Variants in TXLNB observed in about 807,000 individuals in gnomAD.
TXLNB encodes taxilin beta, also known as beta-taxilin.
A neutral mutation model predicts 57.4 loss-of-function variants in TXLNB; 37 were observed. The observed-to-expected ratio is 0.64, with a 90% CI of 0.50 to 0.85. The LOEUF is 0.85. TXLNB is among the 40% of genes least tolerant of loss of function. The pLI, the probability that TXLNB is intolerant of heterozygous loss-of-function variation, is 0.00. For synonymous variants in TXLNB, 302 were observed against 309.6 expected (o/e 0.98, Z 0.26); for missense variants, 848 against 825.6 (o/e 1.03, Z -0.33).
At chr6:139,194,789 TA>T in the TXLNB span, among the ~76,000 whole-genome samples, 1 of 152,258 alleles carries the variant, frequency 6.6e-6, no homozygotes, top group Non-Finnish European at 1.5e-5. Context: ...AACAAGAATC[TA>T]AGTGATCCAG....
the TXLNB span, chr6:139,174,657 G>A: frequency 5.6e-6 from 8 of 1,422,878 alleles, no homozygotes; most frequent in Non-Finnish European, 7.5e-6. Context: ...TGATGGCTGA[G>A]TTACTACTTG....
At chr6:139,206,139 C>T in the TXLNB span, among the ~76,000 whole-genome samples, 2 of 152,210 alleles carry the variant, frequency 1.3e-5, no homozygotes, top group African/African-American at 4.8e-5. Flanking sequence ...GAGAATTTGC[C>T]ACTACCAAAC....
chr6:139,263,635 G>A (rs1178296852), intron 4 of TXLNB, among the ~76,000 whole-genome samples: 2 of 151,940 alleles, frequency 1.3e-5, no homozygotes, highest in African/African-American at 4.8e-5. Flanking sequence ...CACTAACAAT[G>A]AGCTCCAATT....
chr6:139,221,760 A>C, the TXLNB span, among the ~76,000 whole-genome samples: 1 of 152,342 alleles, frequency 6.6e-6, no homozygotes, highest in South Asian at 2.1e-4. Context: ...GATTGGTATA[A>C]CAGTGGCTTA....
chr6:139,239,877 C>T (rs909439725), downstream of TXLNB, among the ~76,000 whole-genome samples: 2 of 152,064 alleles, frequency 1.3e-5, no homozygotes, highest in African/African-American at 2.4e-5. The surrounding 1 kb of genome is among the most constrained non-coding windows in gnomAD (Gnocchi z 4.7). Flanking sequence ...CACATACACA[C>T]ACACACACCC....
chr6:139,306,675 C>CA, the TXLNB span, among the ~76,000 whole-genome samples: 1 of 152,200 alleles, frequency 6.6e-6, no homozygotes, highest in African/African-American at 2.4e-5. Flanking sequence ...AACCTTTCCT[C>CA]AGCCTGATTT....
the TXLNB span, among the ~76,000 whole-genome samples, chr6:139,320,636 A>T: frequency 7.0e-6 from 1 of 143,848 alleles, no homozygotes; most frequent in Non-Finnish European, 1.5e-5. Context: ...TAAGCATATA[A>T]TCTCATTTTT....
At position 139,260,434 on chromosome 6, in the gene TXLNB, G is replaced by C. The variant is rs1276807191; in HGVS notation, c.886C>G (p.Leu296Val). The C allele has an allele frequency of 1.4e-5, 22 of 1,613,154 alleles. No homozygotes were observed. The highest frequency in any genetic ancestry group is 1.8e-5 in the Non-Finnish European group (21 of 1,179,810). The change falls in exon 6 of 10, where the codon CTG becomes GTG. Residue 296 changes from leucine to valine, a missense_variant. Transcript: ENST00000358430. ...TCTCTGTGTTTAAATATTTTGTCCA[G>C]ATGCTAAGAAAAATAAAGTGTACAT... ...IDQYELREEH[L>V]DKIFKHRELQ...
the TXLNB span, among the ~76,000 whole-genome samples, chr6:139,314,832 G>C: frequency 1.3e-5 from 2 of 152,178 alleles, no homozygotes; most frequent in Admixed American, 6.5e-5. Context: ...ATTCCTGGGC[G>C]TAGGGCGAAC....
At chr6:139,321,222 C>T in the TXLNB span, among the ~76,000 whole-genome samples, 5 of 152,092 alleles carry the variant, frequency 3.3e-5, no homozygotes, top group Admixed American at 3.3e-4. Context: ...TAATTCTAAC[C>T]CCCAAGATGA....
chr6:139,224,596 A>C, the TXLNB span, among the ~76,000 whole-genome samples: 1 of 152,014 alleles, frequency 6.6e-6, no homozygotes, highest in African/African-American at 2.4e-5. Flanking sequence ...AGATTTTTTA[A>C]ATTAAGAGAA....
chr6:139,188,533 G>A, the TXLNB span, among the ~76,000 whole-genome samples: 4 of 151,694 alleles, frequency 2.6e-5, no homozygotes, highest in South Asian at 2.1e-4. Context: ...AAATCTAATC[G>A]AAATTCTGAC....
chr6:139,254,424 T>C (rs2114480680), intron 7 of TXLNB, among the ~76,000 whole-genome samples: 1 of 152,278 alleles, frequency 6.6e-6, no homozygotes, highest in South Asian at 2.1e-4. Context: ...AGGTTTCTGA[T>C]TTCCTTGCCT....
the TXLNB span, among the ~76,000 whole-genome samples, chr6:139,215,161 C>A: frequency 1.3e-5 from 2 of 152,084 alleles, no homozygotes; most frequent in African/African-American, 4.8e-5. Context: ...AAAAAGCCCG[C>A]ATTGCCAAGT....
At chr6:139,283,342 C>T (rs1469929738) in intron 2 of TXLNB, among the ~76,000 whole-genome samples, 2 of 142,774 alleles carry the variant, frequency 1.4e-5, no homozygotes, top group East Asian at 2.0e-4. Flanking sequence ...TTTGGGAGAC[C>T]GACGCAGGCG....
At chr6:139,197,062 G>C in the TXLNB span, among the ~76,000 whole-genome samples, 5 of 152,048 alleles carry the variant, frequency 3.3e-5, no homozygotes, top group African/African-American at 4.8e-5. Flanking sequence ...GGGGTGGGGG[G>C]TTATTATTCC....
chr6:139,270,462 A>G lies in TXLNB; in HGVS notation c.681T>C (p.Thr227=). The change falls in exon 4 of 10, where the codon ACT becomes ACC. Residue 227 remains threonine (T), a synonymous_variant. Coordinates refer to ENST00000358430, the MANE Select transcript of TXLNB (RefSeq NM_153235.4). ...LCRELQRHNK[T]LKEEALQRAR... Reference sequence around the variant, plus strand: ...CTGAGGCATGGGGACATACCTTCAGAGTCTTGTTGTGTCTCTGCAGCTCCC... The same window carrying G: ...CTGAGGCATGGGGACATACCTTCAGGGTCTTGTTGTGTCTCTGCAGCTCCC... 2 of 1,613,200 alleles carry G rather than the reference A, an allele frequency of 1.2e-6. No individual in the cohort carries two copies. The highest frequency in any genetic ancestry group is 1.7e-6 in the Non-Finnish European group (2 of 1,179,740).
chr6:139,253,705 A>G (rs1036896129), intron 7 of TXLNB, among the ~76,000 whole-genome samples: 1 of 152,132 alleles, frequency 6.6e-6, no homozygotes, highest in Non-Finnish European at 1.5e-5. Flanking sequence ...TAATATTTGT[A>G]TTGTACAGGT....
At chr6:139,184,541 T>C in the TXLNB span, among the ~76,000 whole-genome samples, 9 of 152,378 alleles carry the variant, frequency 5.9e-5, no homozygotes, top group Non-Finnish European at 1.0e-4. Flanking sequence ...TGTTCTCTTT[T>C]GTTAAGATAG....
Sources: gnomAD v4.1 joint callset for allele counts (sites outside exome capture counted in the v4.1 genomes callset) on GRCh38, gnomAD v4.1.1 for gene constraint, Gnocchi (gnomAD v3.1) non-coding constraint, MANE v1.5 for transcripts, NCBI Gene and HGNC (gene_info 2026-07-23, HGNC 2026-07-21) for gene names.